Variants in SPAG5 observed in about 807,000 individuals in gnomAD.
SPAG5 encodes sperm-associated antigen 5.
Under a neutral mutation model 145.4 loss-of-function variants are expected in SPAG5, and 99 were observed. That is an observed-to-expected ratio of 0.68 (90% confidence interval 0.58 to 0.80). The LOEUF is 0.80. Ranked by LOEUF, SPAG5 falls within the 30% of genes least tolerant of loss-of-function variation. SPAG5 has a pLI of 0.00. For missense variants in SPAG5, 1,192 were observed against 1,416.0 expected, an observed-to-expected ratio of 0.84 and a Z score of 2.54; for synonymous variants, 477 against 525.4, an observed-to-expected ratio of 0.91 and a Z score of 1.26.
chr17:28,589,871 C>T (rs1418488742), intron 4 of SPAG5, among the ~76,000 whole-genome samples: 2 of 152,160 alleles, frequency 1.3e-5, no homozygotes, highest in African/African-American at 4.8e-5. Context: ...CTGATCGCAA[C>T]ATGGTACTCT....
rs79086864 is a variant in SPAG5, at chr17:28,581,078, T to C, written c.2686-958A>G. ...AGCAGGGAGAGGGAAGGCTAGCAAA[T>C]TGTGGCCTACAGGTCAAATCTAGCC... is the stretch of plus-strand genomic sequence containing the variant. On this transcript the variant is annotated intron_variant, in intron 15 of 23. Coordinates refer to ENST00000321765, the MANE Select transcript of SPAG5 (RefSeq NM_006461.4). Among the ~76,000 whole-genome samples the C allele has an allele frequency of 5.2e-3, 788 of 152,268 alleles. 2 individuals are homozygous for C. The highest frequency in any genetic ancestry group is 0.018 in the African/African-American group (764 of 41,554).
rs1477073226 is a variant in SPAG5 at position 28,578,263 on chromosome 17, C to T, written c.3384G>A (p.Glu1128=). ...EVDKLRVMFL[E]MKNEKEKLMI... is the part of the protein sequence containing the mutation. Reference sequence around the variant, plus strand: ...TGAGTTTTTCCTTCTCATTTTTCATCTCCAGGAACATCACTCTCAGTTTGT... The same window carrying T: ...TGAGTTTTTCCTTCTCATTTTTCATTTCCAGGAACATCACTCTCAGTTTGT... Residue 1128 remains glutamate (E), a synonymous_variant, in exon 22 of 24, where the codon GAG becomes GAA. Transcript: ENST00000321765. The T allele has an allele frequency of 1.2e-6, 2 of 1,614,068 alleles. No homozygotes were observed. The highest frequency in any genetic ancestry group is 8.5e-7 in the Non-Finnish European group (1 of 1,180,040).
chr17:28,583,887 A>G lies in SPAG5; in HGVS notation c.2512T>C (p.Cys838Arg). Residue 838 changes from cysteine to arginine, a missense_variant, in exon 14 of 24, where the codon TGT becomes CGT. Around this residue, in one of 5 missense-constraint regions of SPAG5, gnomAD observed 709 missense variants for 840.7 expected, o/e 0.84. Transcript: ENST00000321765. ...LEVLRERSLQ[C>R]ENLKDTVENL... is the part of the protein sequence containing the mutation. The stretch of plus-strand genomic sequence containing the variant: ...TCTACAGTGTCCTTGAGGTTCTCAC[A>G]CTGCAAGCTGCGCTCCCGGAGCACT... 1 of 1,614,076 alleles carries G rather than the reference A, an allele frequency of 6.2e-7. No individual in the cohort carries two copies. Among genetic ancestry groups the G allele is most frequent in the East Asian group, 2.2e-5 (1 of 44,906 alleles).
Position 28,585,911 on chromosome 17 carries a change from C to T in SPAG5, c.1693G>A (p.Glu565Lys), listed in dbSNP as rs760502029. The T allele has an allele frequency of 5.6e-6, 9 of 1,614,130 alleles. No individual in the cohort carries two copies. The highest frequency in any genetic ancestry group is 5.3e-5 in the African/African-American group (4 of 74,946). ...AKLQSLKAER[E>K]EARHREEMAL... ...ATTTCCTCTCTGTGCCTTGCCTCCT[C>T]CCTTTCTGCTTTGAGGCTCTGGAGC... The change falls in exon 7 of 24, where the codon GAG becomes AAG. Residue 565 changes from glutamate (E) to lysine (K), a missense_variant. Physicochemically the swap from Glu to Lys is moderately conservative, Grantham distance 56. Coordinates refer to ENST00000321765, the MANE Select transcript of SPAG5 (RefSeq NM_006461.4).
chr17:28,598,560 A>T lies in SPAG5; in HGVS notation c.127T>A (p.Ser43Thr), dbSNP rs756182312. 6.2e-7 allele frequency: 1 copy of T among 1,613,730 alleles called. No individual in the cohort carries two copies. The highest frequency in any genetic ancestry group is 1.7e-5 in the Admixed American group (1 of 59,958). ...PGALTNSGKR[S>T]PACSSLTPSL... The stretch of plus-strand genomic sequence containing the variant: ...GGGGTCAGCGAGGAGCAAGCGGGGG[A>T]TCTTTTTCCAGAGTTGGTGAGGGCA... The change falls in exon 2 of 24, where the codon TCC (serine) becomes ACC (threonine). Residue 43 changes from serine (S) to threonine (T), a missense_variant. Coordinates refer to ENST00000321765, the MANE Select transcript of SPAG5 (RefSeq NM_006461.4).
Position 28,593,043 on chromosome 17 carries a change from T to G in SPAG5, c.201A>C (p.Pro67=). ...GLQEGSNNSS[P]VDFVNNKRTD... ...TCCTCTTGTTATTTACAAAATCCAC[T>G]GGAGATGAGTTGTTGCTGCCTTCCT... Residue 67 remains proline (P), a synonymous_variant, in exon 3 of 24, where the codon CCA becomes CCC. Transcript: ENST00000321765. 6.2e-7 allele frequency: 1 copy of G among 1,613,536 alleles called. No individual in the cohort carries two copies. Among genetic ancestry groups the G allele is most frequent in the Non-Finnish European group, 8.5e-7 (1 of 1,179,456 alleles).
intron 4 of SPAG5, among the ~76,000 whole-genome samples, chr17:28,589,861 C>T (rs1389659613): frequency 6.6e-6 from 1 of 152,080 alleles, no homozygotes; most frequent in Non-Finnish European, 1.5e-5. Context: ...TCAGTGAGCC[C>T]TGATCGCAAC....
chr17:28,594,199 G>C (rs2151523304), intron 2 of SPAG5, among the ~76,000 whole-genome samples: 1 of 152,260 alleles, frequency 6.6e-6, no homozygotes, highest in African/African-American at 2.4e-5. Flanking sequence ...GGACTGACTA[G>C]AAAAGATACA....
In SPAG5 at chr17:28,585,936, C is replaced by T; in HGVS notation, c.1668G>A (p.Lys556=). The part of the protein sequence containing the change: ...CFDLLKKLRA[K]LQSLKAEREE... ...CCCTTTCTGCTTTGAGGCTCTGGAG[C>T]TTTGCCCTCAATTTCTTCAGCAAAT... Residue 556 remains lysine (K), a synonymous_variant, in exon 7 of 24, where the codon AAG becomes AAA. Coordinates refer to ENST00000321765, the MANE Select transcript of SPAG5 (RefSeq NM_006461.4). 6.2e-7 allele frequency: 1 copy of T among 1,614,242 alleles called. No homozygotes were observed. Among genetic ancestry groups the T allele is most frequent in the East Asian group, 2.2e-5 (1 of 44,890 alleles).
intron 23 of SPAG5, 108 bp from the exon 24 acceptor site, chr17:28,577,878 G>T: frequency 2.5e-6 from 3 of 1,219,060 alleles, no homozygotes; most frequent in Non-Finnish European, 3.6e-6. Flanking sequence ...AGACACCACA[G>T]AGAAGCCTGC....
chr17:28,589,262 C>A (rs2070605244), intron 4 of SPAG5, among the ~76,000 whole-genome samples: 1 of 151,998 alleles, frequency 6.6e-6, no homozygotes, highest in Non-Finnish European at 1.5e-5. Context: ...CCACACCCAG[C>A]TAATTTTTGT....
At position 28,585,370 on chromosome 17, in the gene SPAG5, T is replaced by G. The variant is rs759743245; in HGVS notation, c.1902A>C (p.Thr634=). The G allele has an allele frequency of 7.7e-5, 125 of 1,614,248 alleles. No homozygotes were observed. The highest frequency in any genetic ancestry group is 1.0e-4 in the Non-Finnish European group (121 of 1,180,044). Residue 634 remains threonine (T), a synonymous_variant, in exon 9 of 24, where the codon ACA becomes ACC. Transcript: ENST00000321765. The part of the protein sequence containing the change: ...HAKQEELVQQ[T]VSLTSTLQQD... Reference sequence around the variant, plus strand: ...GTTGCAAGGTAGAAGTAAGACTCACTGTCTGCTGAACCAGCTCTTCTTGCT... The same window carrying G: ...GTTGCAAGGTAGAAGTAAGACTCACGGTCTGCTGAACCAGCTCTTCTTGCT...
In SPAG5 at chr17:28,578,093, A is replaced by G. The variant is rs1265831651; in HGVS notation, c.3430-3T>C. 3 of 1,613,884 alleles carry G rather than the reference A, an allele frequency of 1.9e-6. No individual in the cohort carries two copies. Among genetic ancestry groups the G allele is most frequent in the Non-Finnish European group, 2.5e-6 (3 of 1,179,854 alleles). ...AGGTTCTCCTCTAGGATATTTCTCT[A>G]GAAAGCAAACAGATTTTATAAGTCC... is the stretch of plus-strand genomic sequence containing the variant. On this transcript the variant is annotated splice_polypyrimidine_tract_variant and splice_region_variant and intron_variant, in intron 22 of 23. Transcript: ENST00000321765.
chr17:28,588,271 G>A (rs1476416495), intron 4 of SPAG5, among the ~76,000 whole-genome samples: 1 of 152,200 alleles, frequency 6.6e-6, no homozygotes, highest in Non-Finnish European at 1.5e-5. Context: ...CAAGGACATG[G>A]CATGCTGATG....
chr17:28,586,128 A>G lies in SPAG5; in HGVS notation c.1567T>C (p.Leu523=). 6.2e-7 allele frequency: 1 copy of G among 1,614,176 alleles called. No homozygotes were observed. The highest frequency in any genetic ancestry group is 1.1e-5 in the South Asian group (1 of 91,076). The part of the protein sequence containing the change: ...ELISLLHLSL[L]HLEEDKTTVS... ...GTAGTCTTATCTTCTTCTAAATGCA[A>G]CAGGGATAGGTGAAGCAAGGATATC... Residue 523 remains leucine (L), a synonymous_variant, in exon 6 of 24, where the codon TTG becomes CTG. Coordinates refer to ENST00000321765, the MANE Select transcript of SPAG5 (RefSeq NM_006461.4).
intron 1 of SPAG5, 49 bp from the exon 2 acceptor site, chr17:28,598,684 T>C: frequency 6.4e-7 from 1 of 1,561,620 alleles, no homozygotes; most frequent in Non-Finnish European, 8.7e-7. Flanking sequence ...GCCTGGGTTC[T>C]GCCAGCCCGC....
chr17:28,579,530 G>A (rs1177924572), intron 17 of SPAG5, 45 bp from the exon 18 acceptor site: 1 of 1,599,582 alleles, frequency 6.3e-7, no homozygotes, highest in Non-Finnish European at 8.5e-7. Context: ...TCCAGCCCTG[G>A]AAGGAAGGAG....
rs745783710 is a variant in SPAG5, at chr17:28,586,185, G to A, written c.1513-3C>T. On this transcript the variant is annotated splice_region_variant and splice_polypyrimidine_tract_variant and intron_variant, in intron 5 of 23. Transcript: ENST00000321765. ...TTAGAGATAAGCACCCATGATTGCT[G>A]TAGAGAAAAAAATGGGTAGGTGAGA... is the stretch of plus-strand genomic sequence containing the variant. 2 of 1,612,232 alleles carry A rather than the reference G, an allele frequency of 1.2e-6. No individual in the cohort carries two copies. The highest frequency in any genetic ancestry group is 1.3e-5 in the African/African-American group (1 of 74,958).
At chr17:28,586,368 T>G in intron 5 of SPAG5, 57 bp downstream of exon 5, 1 of 1,443,048 alleles carries the variant, frequency 6.9e-7, no homozygotes, top group South Asian at 1.1e-5. Flanking sequence ...CCCAGGATTC[T>G]CCATTCTTCA....
Sources: allele counts gnomAD v4.1 joint callset (sites outside exome capture counted in the v4.1 genomes callset), GRCh38; gene constraint gnomAD v4.1.1; regional missense constraint gnomAD v4.1.1; transcripts MANE v1.5; gene names NCBI Gene and HGNC (gene_info 2026-07-23, HGNC 2026-07-21).